Variants in ZMYM2 observed in about 807,000 individuals in gnomAD.
ZMYM2 encodes the protein zinc finger MYM-type protein 2.
A neutral mutation model predicts 162.8 loss-of-function variants in ZMYM2; 56 were observed. The ratio of observed to expected loss-of-function variants is 0.34; its 90% CI spans 0.28 to 0.43. ZMYM2 has a LOEUF of 0.43. ZMYM2 is among the 20% of genes least tolerant of loss of function. ZMYM2 has a pLI of 1.00. For synonymous variants in ZMYM2, 510 were observed against 541.6 expected, an observed-to-expected ratio of 0.94 and a Z score of 0.81; for missense variants, 1,275 against 1,621.8, an observed-to-expected ratio of 0.79 and a Z score of 3.67.
At chr13:19,940,682 T>G in the ZMYM2 span, among the ~76,000 whole-genome samples, 1 of 152,220 alleles carries the variant, frequency 6.6e-6, no homozygotes, top group Non-Finnish European at 1.5e-5. Flanking sequence ...CGTTCAGCCA[T>G]TTCCTTGACT....
intron 7 of ZMYM2, among the ~76,000 whole-genome samples, chr13:20,022,611 T>C (rs969724611): frequency 1.3e-5 from 2 of 152,200 alleles, no homozygotes; most frequent in African/African-American, 4.8e-5. Flanking sequence ...AAATTGTAAA[T>C]TAAACAGTAA....
chr13:19,982,798 A>C (rs943434164), intron 2 of ZMYM2, among the ~76,000 whole-genome samples: 1 of 152,136 alleles, frequency 6.6e-6, no homozygotes, highest in African/African-American at 2.4e-5. Flanking sequence ...CTTCCTGTGG[A>C]TTCAGTGTTT....
At chr13:20,041,858 TA>T (rs145739047) in intron 12 of ZMYM2, among the ~76,000 whole-genome samples, 3 of 150,944 alleles carry the variant, frequency 2.0e-5, no homozygotes, top group African/African-American at 4.9e-5. Context: ...GGTGTTAAAT[TA>T]AAAAAAAAGG....
chr13:20,027,052 T>C lies in ZMYM2; in HGVS notation c.1736-151T>C, dbSNP rs547403963. 1.7e-4 allele frequency: 107 copies of C among 635,348 alleles called. 1 individual carries two copies. In the South Asian group the frequency reaches 2.6e-3, roughly 15 times the overall value. 39.4% of individuals were successfully genotyped at this position (635,348 alleles called of 1,614,324 possible). On this transcript the variant is annotated intron_variant, in intron 8 of 24. Transcript: ENST00000610343. ...ATAATATCAGAGTCCGTTATGACAATATTTTAAAAGTGCACATAATCTTCA... is the reference window on the plus strand; with the variant it reads ...ATAATATCAGAGTCCGTTATGACAACATTTTAAAAGTGCACATAATCTTCA...
chr13:20,078,839 A>G (rs1021864348), intron 21 of ZMYM2, among the ~76,000 whole-genome samples: 1 of 152,054 alleles, frequency 6.6e-6, no homozygotes, highest in African/African-American at 2.4e-5. Context: ...TTAACTTTTA[A>G]AATGTGGCTA....
intron 9 of ZMYM2, chr13:20,028,063 AG>A: frequency 5.6e-6 from 1 of 178,304 alleles, no homozygotes; most frequent in East Asian, 9.4e-5. Context: ...GCTTTATTCC[AG>A]GTACTGTGCT....
chr13:19,991,977 A>C (rs1949665409), intron 2 of ZMYM2, among the ~76,000 whole-genome samples: 1 of 152,134 alleles, frequency 6.6e-6, no homozygotes, highest in Non-Finnish European at 1.5e-5. Flanking sequence ...TGACCCACTC[A>C]GGTAATCCCA....
At chr13:20,066,222 A>G (rs1462013993) in intron 19 of ZMYM2, among the ~76,000 whole-genome samples, 3 of 152,242 alleles carry the variant, frequency 2.0e-5, no homozygotes, top group African/African-American at 7.2e-5. Context: ...GATTAAACAG[A>G]TAACTATATT....
Position 20,051,196 on chromosome 13 carries a change from T to C in ZMYM2, c.2293-237T>C, listed in dbSNP as rs1389698736. 4.6e-5 allele frequency among the ~76,000 whole-genome samples: 7 copies of C among 151,724 alleles called. No homozygotes were observed. The East Asian group carries it at 1.3e-3, about 29-fold the overall frequency. On this transcript the variant is annotated intron_variant, in intron 12 of 24. Coordinates refer to ENST00000610343, the MANE Select transcript of ZMYM2 (RefSeq NM_197968.4). ...TATATATTTAGTTATCCTACTTTTGTAATGCTGGTCTTTGACTTCTGGTAA... is the reference window on the plus strand; with the variant it reads ...TATATATTTAGTTATCCTACTTTTGCAATGCTGGTCTTTGACTTCTGGTAA...
chr13:20,060,710 A>G (rs535936845), intron 16 of ZMYM2, among the ~76,000 whole-genome samples: 1 of 152,290 alleles, frequency 6.6e-6, no homozygotes, highest in East Asian at 1.9e-4. Flanking sequence ...TTGTGAAGCC[A>G]TAAGGTTTAG....
chr13:19,998,399 C>T (rs775466768), intron 3 of ZMYM2, among the ~76,000 whole-genome samples: 1 of 152,152 alleles, frequency 6.6e-6, no homozygotes, highest in Non-Finnish European at 1.5e-5. Context: ...TTTTGATAGG[C>T]TCTTTTAACT....
chr13:19,963,975 A>G (rs1028475322), intron 2 of ZMYM2, among the ~76,000 whole-genome samples: 8 of 152,304 alleles, frequency 5.3e-5, no homozygotes, highest in African/African-American at 1.7e-4. Context: ...TTTAAGAAAA[A>G]TCAATGCTCT....
chr13:19,924,925 A>C, the ZMYM2 span, among the ~76,000 whole-genome samples: 2 of 142,970 alleles, frequency 1.4e-5, no homozygotes, highest in Admixed American at 1.5e-4. Context: ...CTCTTGTTGC[A>C]CAGGTTGGAG....
chr13:20,061,120 A>C lies in ZMYM2; in HGVS notation c.2807A>C (p.Glu936Ala). The change falls in exon 17 of 25, where the codon GAG becomes GCG. Residue 936 changes from glutamate (E) to alanine (A), a missense_variant. Glu to Ala is a moderately radical substitution (Grantham distance 107). This residue lies in a region of ZMYM2 where 229 missense variants were observed against 283.8 expected (regional missense o/e 0.81). Transcript: ENST00000610343. Reference sequence around the variant, plus strand: ...GAGAAGATTCCTGCAGCAATTGAGGAGCTAAAAAGCAAGGTTTCTTCAGAT... The same window carrying C: ...GAGAAGATTCCTGCAGCAATTGAGGCGCTAAAAAGCAAGGTTTCTTCAGAT... Reference protein sequence around the residue: ...SSEKIPAAIEELKSKVSSDAL... With the variant: ...SSEKIPAAIEALKSKVSSDAL... 6.2e-7 allele frequency: 1 copy of C among 1,613,062 alleles called. No homozygotes were observed. Among genetic ancestry groups the C allele is most frequent in the Non-Finnish European group, 8.5e-7 (1 of 1,179,520 alleles).
intron 10 of ZMYM2, 37 bp from the exon 11 acceptor site, chr13:20,034,217 C>T (rs774798165): frequency 3.9e-5 from 14 of 361,630 alleles, no homozygotes; most frequent in Non-Finnish European, 2.4e-5. Flanking sequence ...TTAAGCTTGT[C>T]GTCATATACT....
chr13:19,958,762 G>C lies in ZMYM2; in HGVS notation c.-159G>C, dbSNP rs901046641. On this transcript the variant is annotated 5_prime_UTR_variant, in exon 1 of 25. Transcript: ENST00000610343. The stretch of plus-strand genomic sequence containing the variant: ...CCAGCGCTAAAGCCGGGACTGGACC[G>C]AGCGGAGTTGTGCGTGTCGCCGAAG... The C allele has an allele frequency of 6.6e-6, 1 of 152,034 alleles. No individual in the cohort carries two copies. Among genetic ancestry groups the C allele is most frequent in the Non-Finnish European group, 1.5e-5 (1 of 68,236 alleles). The allele number at this position is 152,034 out of a possible 1,614,324, so 9.4% of individuals were successfully genotyped here. A position where few individuals can be genotyped will look rare whatever the true frequency, so the allele number is the denominator to read the frequency against.
chr13:19,877,388 G>C, the ZMYM2 span, among the ~76,000 whole-genome samples: 1 of 152,056 alleles, frequency 6.6e-6, no homozygotes, highest in Non-Finnish European at 1.5e-5. Flanking sequence ...AAGAGAGAAA[G>C]CAAGAGAGAG....
chr13:20,060,602 C>T (rs1411703452), intron 16 of ZMYM2, among the ~76,000 whole-genome samples: 6 of 151,770 alleles, frequency 4.0e-5, no homozygotes, highest in African/African-American at 7.3e-5. Flanking sequence ...CGCTTGAACC[C>T]GGGAGGCGGA....
the ZMYM2 span, among the ~76,000 whole-genome samples, chr13:19,916,139 G>A: frequency 4.0e-5 from 6 of 151,868 alleles, no homozygotes; most frequent in African/African-American, 1.5e-4. Context: ...GGGATTACAG[G>A]TGTAAGCCAC....
Sources: allele counts gnomAD v4.1 joint callset (sites outside exome capture counted in the v4.1 genomes callset), GRCh38; gene constraint gnomAD v4.1.1; regional missense constraint gnomAD v4.1.1; transcripts MANE v1.5; gene names NCBI Gene and HGNC (gene_info 2026-07-23, HGNC 2026-07-21).